Variants in FSTL1 observed in about 807,000 individuals in gnomAD.
FSTL1 encodes follistatin like 1.
FSTL1 carries 24 observed loss-of-function variants against 45.9 expected under a neutral mutation model. The ratio of observed to expected loss-of-function variants is 0.52; its 90% CI spans 0.38 to 0.74. The LOEUF is 0.74. Among genes scored for constraint, FSTL1 ranks in the 30% least tolerant of loss-of-function variants. The pLI, the probability that FSTL1 is intolerant of heterozygous loss-of-function variation, is 0.00. For missense variants in FSTL1, 340 were observed against 381.8 expected (o/e 0.89, Z 0.91); for synonymous variants, 120 against 137.6 (o/e 0.87, Z 0.89).
intron 2 of FSTL1, among the ~76,000 whole-genome samples, chr3:120,448,623 A>C (rs774117710): frequency 6.6e-6 from 1 of 152,190 alleles, no homozygotes; most frequent in South Asian, 2.1e-4. Context: ...CTGTGAGTTC[A>C]CAGCCTCTTT....
intron 2 of FSTL1, among the ~76,000 whole-genome samples, chr3:120,447,969 A>T (rs757400479): frequency 2.0e-5 from 3 of 152,200 alleles, no homozygotes; most frequent in Non-Finnish European, 4.4e-5. Flanking sequence ...GACTTTTGTT[A>T]ATAGCTTTGT....
intron 2 of FSTL1, among the ~76,000 whole-genome samples, chr3:120,442,041 C>T (rs1937634388): frequency 1.3e-5 from 2 of 152,314 alleles, no homozygotes; most frequent in South Asian, 4.1e-4. Flanking sequence ...CAAATAAAGA[C>T]CATGCCTAGT....
intron 2 of FSTL1, among the ~76,000 whole-genome samples, chr3:120,428,197 C>G (rs1185469310): frequency 6.6e-6 from 1 of 152,186 alleles, no homozygotes; most frequent in Non-Finnish European, 1.5e-5. Context: ...CTAGGCTGAC[C>G]TTGCAGTGGG....
Position 120,431,723 on chromosome 3 carries a change from G to A in FSTL1, c.64-15696C>T, listed in dbSNP as rs980891566. Among the ~76,000 whole-genome samples, 7 of 152,200 alleles carry A rather than the reference G, an allele frequency of 4.6e-5. No individual in the cohort carries two copies. The East Asian group carries it at 9.6e-4, about 21-fold the overall frequency. On this transcript the variant is annotated intron_variant, in intron 2 of 10. Coordinates refer to ENST00000295633, the MANE Select transcript of FSTL1 (RefSeq NM_007085.5). Reference sequence around the variant, plus strand: ...TTCTGAGTTCTGACCTCACTGCATCGGAGGAGGAGGGTTTGAGGAGAAAGA... The same window carrying A: ...TTCTGAGTTCTGACCTCACTGCATCAGAGGAGGAGGGTTTGAGGAGAAAGA...
At chr3:120,446,915 C>A (rs1282867650) in intron 2 of FSTL1, among the ~76,000 whole-genome samples, 1 of 152,150 alleles carries the variant, frequency 6.6e-6, no homozygotes, top group Admixed American at 6.5e-5. Context: ...AAGCATGGAT[C>A]CCTTACTGGA....
chr3:120,441,381 C>G (rs919066632), intron 2 of FSTL1: 9 of 152,200 alleles, frequency 5.9e-5, no homozygotes, highest in African/African-American at 1.7e-4. Context: ...ACAGGAGATG[C>G]TCCATGAGTA....
At chr3:120,435,797 T>C (rs1937542856) in intron 2 of FSTL1, among the ~76,000 whole-genome samples, 1 of 151,948 alleles carries the variant, frequency 6.6e-6, no homozygotes, top group African/African-American at 2.4e-5. Flanking sequence ...AAAATAATTA[T>C]AGCATTACCT....
At chr3:120,414,253 T>A (rs1468551574) in intron 3 of FSTL1, among the ~76,000 whole-genome samples, 1 of 151,834 alleles carries the variant, frequency 6.6e-6, no homozygotes, top group Admixed American at 6.6e-5. Context: ...TCGTCTGGGA[T>A]GTGAGGAGCC....
At chr3:120,443,639 C>T (rs1937674125) in intron 2 of FSTL1, among the ~76,000 whole-genome samples, 1 of 149,784 alleles carries the variant, frequency 6.7e-6, no homozygotes, top group Non-Finnish European at 1.5e-5. Context: ...CACATGCATG[C>T]ACATATAAAT....
At chr3:120,432,966 C>A (rs1446717047) in intron 2 of FSTL1, among the ~76,000 whole-genome samples, 2 of 152,188 alleles carry the variant, frequency 1.3e-5, no homozygotes, top group African/African-American at 4.8e-5. Flanking sequence ...TTTATCCATA[C>A]TGGAAACATC....
At chr3:120,441,749 C>T (rs573415028) in intron 2 of FSTL1, among the ~76,000 whole-genome samples, 2 of 152,340 alleles carry the variant, frequency 1.3e-5, no homozygotes, top group South Asian at 4.1e-4. Context: ...TACCAACTAA[C>T]ACTGCACACT....
intron 7 of FSTL1, among the ~76,000 whole-genome samples, chr3:120,403,977 A>C (rs1289901602): frequency 4.4e-4 from 43 of 97,306 alleles, no homozygotes; most frequent in Non-Finnish European, 6.0e-4. Flanking sequence ...CAAAAACAAA[A>C]AAAAACAAAA....
At chr3:120,404,780 G>A in intron 7 of FSTL1, 73 bp downstream of exon 7, 2 of 821,430 alleles carry the variant, frequency 2.4e-6, no homozygotes, top group South Asian at 1.4e-5. Context: ...TTGCAGGTGG[G>A]AAAGGGTTTA....
intron 2 of FSTL1, among the ~76,000 whole-genome samples, chr3:120,419,974 A>G (rs754056542): frequency 1.1e-4 from 17 of 152,200 alleles, no homozygotes; most frequent in Non-Finnish European, 2.2e-4. Context: ...TCGGAGAGTC[A>G]GGAAAGCTCT....
chr3:120,417,265 T>A (rs1342614503), intron 2 of FSTL1, among the ~76,000 whole-genome samples: 1 of 152,078 alleles, frequency 6.6e-6, no homozygotes. Flanking sequence ...AGTTGGTGAA[T>A]GTTTTATACT....
intron 7 of FSTL1, among the ~76,000 whole-genome samples, chr3:120,403,936 A>AAAAC (rs1553789488): frequency 5.3e-5 from 7 of 131,332 alleles, no homozygotes; most frequent in African/African-American, 1.7e-4. Flanking sequence ...AAAAAAAAAA[A>AAAAC]AAAAAAAACA....
intron 2 of FSTL1, chr3:120,423,350 A>G (rs560776050): frequency 2.0e-5 from 3 of 151,664 alleles, no homozygotes; most frequent in Non-Finnish European, 4.4e-5. Flanking sequence ...AGCACACTAG[A>G]TGCTTGGTTT....
intron 3 of FSTL1, among the ~76,000 whole-genome samples, chr3:120,412,838 G>GTGCACA (rs1937096838): frequency 9.4e-6 from 1 of 106,132 alleles, no homozygotes; most frequent in East Asian, 3.0e-4. Flanking sequence ...GCGCGCGCGC[G>GTGCACA]CACACACACA....
At chr3:120,407,908 G>T (rs2107653274) in intron 6 of FSTL1, among the ~76,000 whole-genome samples, 1 of 152,332 alleles carries the variant, frequency 6.6e-6, no homozygotes, top group Admixed American at 6.5e-5. Context: ...GTGAGTTACT[G>T]CTGGAGGAGA....
Sources: gnomAD v4.1 joint callset for allele counts (sites outside exome capture counted in the v4.1 genomes callset) on GRCh38, gnomAD v4.1.1 for gene constraint, MANE v1.5 for transcripts, NCBI Gene and HGNC (gene_info 2026-07-23, HGNC 2026-07-21) for gene names.